Variants in PLPP4 observed in about 807,000 individuals in gnomAD.
PLPP4 encodes phospholipid phosphatase 4, also known as diacylglycerol pyrophosphate like 2.
A neutral mutation model predicts 32.2 loss-of-function variants in PLPP4; 20 were observed. That is an observed-to-expected ratio of 0.62 (90% CI 0.44 to 0.90). PLPP4 has a LOEUF of 0.90. Among genes scored for constraint, PLPP4 ranks in the 40% least tolerant of loss-of-function variants. PLPP4 has a pLI of 0.00. For missense variants in PLPP4, 257 were observed against 353.1 expected, an observed-to-expected ratio of 0.73 and a Z score of 2.18; for synonymous variants, 127 against 133.0, an observed-to-expected ratio of 0.95 and a Z score of 0.31.
chr10:120,519,021 T>G, intron 4 of PLPP4, 125 bp downstream of exon 4: 1 of 564,986 alleles, frequency 1.8e-6, no homozygotes, highest in Non-Finnish European at 3.0e-6. Flanking sequence ...ATTGTTGTCC[T>G]TCTGAGATTT....
chr10:120,466,461 A>G (rs1848316883), intron 1 of PLPP4, among the ~76,000 whole-genome samples: 1 of 152,228 alleles, frequency 6.6e-6, no homozygotes, highest in Non-Finnish European at 1.5e-5. Flanking sequence ...ATAAATCTCA[A>G]AAACGTATTC....
intron 1 of PLPP4, among the ~76,000 whole-genome samples, chr10:120,501,045 G>A (rs1845226250): frequency 6.6e-6 from 1 of 152,130 alleles, no homozygotes; most frequent in African/African-American, 2.4e-5. Flanking sequence ...AATAGCAGGG[G>A]TTCCAGCTCC....
intron 5 of PLPP4, among the ~76,000 whole-genome samples, chr10:120,544,273 C>A (rs1021757055): frequency 6.6e-6 from 1 of 152,242 alleles, no homozygotes; most frequent in South Asian, 2.1e-4. Flanking sequence ...TTGTTATTTT[C>A]GGTTTTAATT....
chr10:120,511,414 G>T (rs895136761), intron 2 of PLPP4, among the ~76,000 whole-genome samples: 2 of 152,132 alleles, frequency 1.3e-5, no homozygotes, highest in Non-Finnish European at 2.9e-5. Context: ...TTTTTCTGGG[G>T]TTTCATTGTT....
At chr10:120,569,478 A>G (rs1304078691) in intron 5 of PLPP4, among the ~76,000 whole-genome samples, 1 of 152,136 alleles carries the variant, frequency 6.6e-6, no homozygotes, top group African/African-American at 2.4e-5. Context: ...AAAGGAGTTT[A>G]TAGTCTGCTT....
intron 1 of PLPP4, among the ~76,000 whole-genome samples, chr10:120,484,507 G>A (rs1345141427): frequency 6.6e-6 from 1 of 152,182 alleles, no homozygotes; most frequent in East Asian, 1.9e-4. Flanking sequence ...AGGGCAAAAG[G>A]GGGGTGAATT....
At chr10:120,463,247 CG>C (rs1174643539) in intron 1 of PLPP4, among the ~76,000 whole-genome samples, 2 of 152,054 alleles carry the variant, frequency 1.3e-5, no homozygotes, top group Non-Finnish European at 2.9e-5. Flanking sequence ...AGGATGGTCT[CG>C]ATCTCCTGAC....
intron 5 of PLPP4, among the ~76,000 whole-genome samples, chr10:120,545,445 T>G (rs761300375): frequency 1.3e-5 from 2 of 152,206 alleles, no homozygotes; most frequent in Non-Finnish European, 2.9e-5. Context: ...CCCTGATAGT[T>G]TTTCTGGCCT....
At chr10:120,552,167 T>G (rs201441818) in intron 5 of PLPP4, among the ~76,000 whole-genome samples, 4 of 39,524 alleles carry the variant, frequency 1.0e-4, no homozygotes, top group African/African-American at 1.5e-4. Flanking sequence ...GGTGGTGGGG[T>G]GTGTGTGTGT....
chr10:120,571,660 A>G (rs1223923755), intron 5 of PLPP4, among the ~76,000 whole-genome samples: 1 of 152,146 alleles, frequency 6.6e-6, no homozygotes, highest in Non-Finnish European at 1.5e-5. Context: ...GAGATGGCTC[A>G]TGGGAGAGAT....
At position 120,482,574 on chromosome 10, in the gene PLPP4, G is replaced by A. The variant is rs1844255830; in HGVS notation, c.57-21244G>A. Among the ~76,000 whole-genome samples the A allele has an allele frequency of 2.0e-5, 3 of 152,140 alleles. 1 individual carries two copies. The South Asian group carries it at 6.2e-4, about 32-fold the overall frequency. ...TCTATAAGGGAAGCAGAGCATGAAA[G>A]TTTGGAAAATTTGCAGCCTGACAAT... is the stretch of plus-strand genomic sequence containing the variant. On this transcript the variant is annotated intron_variant, in intron 1 of 6. Coordinates refer to ENST00000398250, the MANE Select transcript of PLPP4 (RefSeq NM_001030059.3).
chr10:120,466,282 C>T (rs1848306862), intron 1 of PLPP4, among the ~76,000 whole-genome samples: 2 of 151,862 alleles, frequency 1.3e-5, no homozygotes, highest in South Asian at 2.1e-4. Flanking sequence ...GCAGTTGCAC[C>T]CCTACGTATA....
In PLPP4 at chr10:120,520,993, C is replaced by T. The variant is rs751510535; in HGVS notation, c.343C>T (p.Arg115Cys). The T allele has an allele frequency of 5.0e-6, 8 of 1,613,702 alleles. No homozygotes were observed. Among genetic ancestry groups the T allele is most frequent in the African/African-American group, 1.3e-5 (1 of 74,816 alleles). The change falls in exon 5 of 7, where the codon CGC becomes TGC. Residue 115 changes from arginine to cysteine, a missense_variant. By Grantham distance (180) the Arg-to-Cys change is radical. Coordinates refer to ENST00000398250, the MANE Select transcript of PLPP4 (RefSeq NM_001030059.3). ...TAGACCTCGCCCCGATTTCTTTTAC[C>T]GCTGCTTTCCAGATGGAGTGATGAA... ...VGRPRPDFFY[R>C]CFPDGVMNSE...
At chr10:120,470,493 A>G (rs1331726508) in intron 1 of PLPP4, among the ~76,000 whole-genome samples, 1 of 152,126 alleles carries the variant, frequency 6.6e-6, no homozygotes, top group East Asian at 1.9e-4. Context: ...CCTATTTAGA[A>G]AGTCGTTTCC....
At position 120,589,681 on chromosome 10, in the gene PLPP4, C is replaced by T. The variant is rs185033399; in HGVS notation, c.*179C>T. On this transcript the variant is annotated 3_prime_UTR_variant, in exon 7 of 7. Coordinates refer to ENST00000398250, the MANE Select transcript of PLPP4 (RefSeq NM_001030059.3). Reference sequence around the variant, plus strand: ...TACTTTAAATGTCTACTTCCAACATCCTTGAATTTGCAAGTGAAGGACAAC... The same window carrying T: ...TACTTTAAATGTCTACTTCCAACATTCTTGAATTTGCAAGTGAAGGACAAC... 6.8e-6 allele frequency: 4 copies of T among 589,418 alleles called. No homozygotes were observed. Among genetic ancestry groups the T allele is most frequent in the Non-Finnish European group, 1.2e-5 (4 of 339,948 alleles). 36.5% of individuals were successfully genotyped at this position (589,418 alleles called of 1,614,324 possible).
At chr10:120,480,575 A>T (rs1324938383) in intron 1 of PLPP4, among the ~76,000 whole-genome samples, 1 of 152,268 alleles carries the variant, frequency 6.6e-6, no homozygotes, top group Non-Finnish European at 1.5e-5. Flanking sequence ...TTACACATGC[A>T]GTCGGCAGCT....
rs113023261 is a variant in PLPP4 at position 120,553,332 on chromosome 10, A to G, written c.446-21799A>G. Among the ~76,000 whole-genome samples, 1,247 of 152,308 alleles carry G rather than the reference A, an allele frequency of 8.2e-3. 23 individuals carry two copies. The highest frequency in any genetic ancestry group is 0.029 in the African/African-American group (1,198 of 41,572). On this transcript the variant is annotated intron_variant, in intron 5 of 6. Coordinates refer to ENST00000398250, the MANE Select transcript of PLPP4 (RefSeq NM_001030059.3). ...GGGCCTAATGATAGGTCATAGGGTC[A>G]TAGGGTCCTTATGAATGGGATTAGT... is the stretch of plus-strand genomic sequence containing the variant.
intron 1 of PLPP4, among the ~76,000 whole-genome samples, chr10:120,473,523 A>G (rs1843757205): frequency 6.6e-6 from 1 of 152,100 alleles, no homozygotes; most frequent in South Asian, 2.1e-4. Context: ...TGCACATTGC[A>G]ATTTCTGAGT....
Position 120,590,992 on chromosome 10 carries a change from C to T in PLPP4, c.*1490C>T, listed in dbSNP as rs1299072971. 6.6e-6 allele frequency among the ~76,000 whole-genome samples: 1 copy of T among 151,990 alleles called. No homozygotes were observed. The highest frequency in any genetic ancestry group is 1.5e-5 in the Non-Finnish European group (1 of 68,020). On this transcript the variant is annotated 3_prime_UTR_variant, in exon 7 of 7. Transcript: ENST00000398250. ...CCACGTTGGCCAGGCTGGTCTCGGA[C>T]TCCTAGCCTCAAGTGATCTGCCCAC...
Sources: allele counts gnomAD v4.1 joint callset (sites outside exome capture counted in the v4.1 genomes callset), GRCh38; gene constraint gnomAD v4.1.1; transcripts MANE v1.5; gene names NCBI Gene and HGNC (gene_info 2026-07-23, HGNC 2026-07-21).